ANKRD26: variants seen among roughly 807,000 people sequenced by gnomAD.
ANKRD26 encodes ankyrin repeat domain-containing protein 26.
A neutral mutation model predicts 208.7 loss-of-function variants in ANKRD26; 141 were observed. That is an observed-to-expected ratio of 0.68 (90% CI 0.59 to 0.78). The LOEUF (loss-of-function observed/expected upper bound fraction) is 0.78. Among genes scored for constraint, ANKRD26 ranks in the 30% least tolerant of loss-of-function variants. The pLI is 0.00. For missense variants in ANKRD26, 1,889 were observed against 1,938.7 expected, an observed-to-expected ratio of 0.97 and a Z score of 0.48; for synonymous variants, 636 against 660.4, an observed-to-expected ratio of 0.96 and a Z score of 0.57.
Position 27,017,511 on chromosome 10 carries a change from TAG to T in ANKRD26, c.4495_4496del (p.Leu1499IlefsTer16). On this transcript the variant is annotated frameshift_variant, in exon 30 of 34. Coordinates refer to ENST00000376087, the MANE Select transcript of ANKRD26 (RefSeq NM_014915.3). LOFTEE classifies it high-confidence loss of function. The part of the protein sequence containing the change: ...EIAEKLKEVN[L>X]FLQAQAASQE... Reference sequence around the variant, plus strand: ...CTACACATAAGCTAACCTGTAAAAATAGATTGACTTCTTTTAATTTTTCTGCT... The same window carrying T: ...CTACACATAAGCTAACCTGTAAAAATATTGACTTCTTTTAATTTTTCTGCT... 1 of 1,613,406 alleles carries T rather than the reference TAG, an allele frequency of 6.2e-7. No individual in the cohort carries two copies. The highest frequency in any genetic ancestry group is 8.5e-7 in the Non-Finnish European group (1 of 1,179,770).
rs1218233361 is a variant in ANKRD26 at position 27,004,951 on chromosome 10, T to C, written c.*639A>G. ...CTTGTAGGAATGCCCACTAAAGTAA[T>C]CAGGGGTGATGACATAATGTCAGCA... On this transcript the variant is annotated 3_prime_UTR_variant, in exon 34 of 34. Coordinates refer to ENST00000376087, the MANE Select transcript of ANKRD26 (RefSeq NM_014915.3). 1 of 764,660 alleles carries C rather than the reference T, an allele frequency of 1.3e-6. No individual in the cohort carries two copies. The highest frequency in any genetic ancestry group is 1.6e-6 in the Non-Finnish European group (1 of 628,880). 47.4% of individuals were successfully genotyped at this position (764,660 alleles called of 1,614,324 possible). A position where few individuals can be genotyped will look rare whatever the true frequency, so the allele number is the denominator to read the frequency against.
chr10:27,003,384 T>C (rs1258480085), downstream of ANKRD26, among the ~76,000 whole-genome samples: 1 of 152,134 alleles, frequency 6.6e-6, no homozygotes, highest in Non-Finnish European at 1.5e-5. Flanking sequence ...ATAGAAGGGA[T>C]GAAGGAATAA....
At chr10:26,982,274 G>A (rs2052320050) in intron 4 of ANKRD26, among the ~76,000 whole-genome samples, 1 of 152,160 alleles carries the variant, frequency 6.6e-6, no homozygotes, top group Non-Finnish European at 1.5e-5. Flanking sequence ...CTGTGAGGGA[G>A]CTAAGTAGCC....
At chr10:27,025,886 C>G (rs538108146) in intron 27 of ANKRD26, among the ~76,000 whole-genome samples, 65 of 152,260 alleles carry the variant, frequency 4.3e-4, no homozygotes, top group African/African-American at 1.5e-3. Flanking sequence ...CACTCATAAA[C>G]CATTACTTGG....
intron 6 of ANKRD26, among the ~76,000 whole-genome samples, chr10:27,081,417 A>G (rs887866469): frequency 6.6e-6 from 1 of 152,208 alleles, no homozygotes; most frequent in South Asian, 2.1e-4. Flanking sequence ...CCTTTCTATT[A>G]TTAAAATATT....
chr10:27,071,649 C>A (rs2055503791), intron 9 of ANKRD26, among the ~76,000 whole-genome samples: 1 of 152,020 alleles, frequency 6.6e-6, no homozygotes, highest in African/African-American at 2.4e-5. Context: ...AGGACCTTAA[C>A]AGAAAAACTT....
At chr10:26,994,794 CCTT>C (rs2052553835) in intron 5 of ANKRD26, among the ~76,000 whole-genome samples, 1 of 152,118 alleles carries the variant, frequency 6.6e-6, no homozygotes, top group Admixed American at 6.6e-5. Context: ...TATCTTCTCT[CCTT>C]CTGTAGCATC....
At chr10:27,017,185 A>G (rs1309569469) in intron 30 of ANKRD26, among the ~76,000 whole-genome samples, 4 of 152,264 alleles carry the variant, frequency 2.6e-5, no homozygotes, top group Non-Finnish European at 5.9e-5. Flanking sequence ...AAAAGTGAGC[A>G]ATGTAATTTA....
chr10:27,077,490 C>A lies in ANKRD26; in HGVS notation c.925G>T (p.Asp309Tyr). The part of the protein sequence containing the change: ...VRTGNRTLFE[D>Y]RDSDSQDEVV... ...TCATCTTGACTATCGGAATCTCTAT[C>A]CTCAAACAAAGTTCTATTTCCTGTT... Residue 309 changes from aspartate to tyrosine, a missense_variant, in exon 9 of 34, where the codon GAT becomes TAT. Asp to Tyr is a radical substitution (Grantham distance 160). Around this residue, in one of 3 missense-constraint regions of ANKRD26, gnomAD observed 1,272 missense variants for 1,273.8 expected, o/e 1.00. Transcript: ENST00000376087. The A allele has an allele frequency of 6.2e-7, 1 of 1,613,922 alleles. No homozygotes were observed. Among genetic ancestry groups the A allele is most frequent in the East Asian group, 2.2e-5 (1 of 44,860 alleles).
intron 22 of ANKRD26, 104 bp downstream of exon 22, chr10:27,037,765 AAC>A (rs2054091517): frequency 3.2e-6 from 3 of 932,596 alleles, no homozygotes; most frequent in Non-Finnish European, 3.2e-6. Flanking sequence ...AGCTTGAGAT[AAC>A]AGTTTTGTTT....
At chr10:26,990,003 T>C (rs1276608697), downstream of ANKRD26, among the ~76,000 whole-genome samples, 2 of 152,164 alleles carry the variant, frequency 1.3e-5, no homozygotes, top group Non-Finnish European at 2.9e-5. Context: ...AAGTTGTTTG[T>C]TGGCCTCCTG....
chr10:26,999,918 G>A (rs535866582), downstream of ANKRD26, among the ~76,000 whole-genome samples: 36 of 151,468 alleles, frequency 2.4e-4, no homozygotes, highest in Non-Finnish European at 4.3e-4. Context: ...CTGAGAACTC[G>A]AATTGTAAGT....
chr10:27,069,730 TTAAA>T (rs2055409238), intron 9 of ANKRD26, among the ~76,000 whole-genome samples: 1 of 152,044 alleles, frequency 6.6e-6, no homozygotes, highest in Admixed American at 6.5e-5. Flanking sequence ...ACTGGTAGAA[TTAAA>T]TAATATGAAC....
At chr10:27,092,169 C>A (rs993967752) in intron 4 of ANKRD26, among the ~76,000 whole-genome samples, 82 of 152,060 alleles carry the variant, frequency 5.4e-4, no homozygotes, top group African/African-American at 2.0e-3. Flanking sequence ...ATTGCCCAAT[C>A]CAAGCAACTG....
At chr10:26,989,816 T>C (rs927495906), downstream of ANKRD26, among the ~76,000 whole-genome samples, 2 of 151,924 alleles carry the variant, frequency 1.3e-5, no homozygotes, top group Non-Finnish European at 2.9e-5. Context: ...GAGGGGAAGA[T>C]GGTAGCCTGG....
Position 27,086,626 on chromosome 10 carries a change from G to T in ANKRD26, c.639-17C>A. ...TGGTGACTGCTATGTATAGAAAAAT[G>T]TAACAAAATTATGTTAATACTGATA... On this transcript the variant is annotated splice_polypyrimidine_tract_variant and intron_variant, in intron 4 of 33. Transcript: ENST00000376087. 2 of 1,594,752 alleles carry T rather than the reference G, an allele frequency of 1.3e-6. No homozygotes were observed. The highest frequency in any genetic ancestry group is 2.3e-5 in the East Asian group (1 of 44,392).
the ANKRD26 span, among the ~76,000 whole-genome samples, chr10:26,966,173 A>C: frequency 6.6e-6 from 1 of 152,236 alleles, no homozygotes; most frequent in African/African-American, 2.4e-5. Flanking sequence ...CTATAAAGAC[A>C]CATGCACACG....
At chr10:27,024,586 TTTTA>T in intron 27 of ANKRD26, 27 bp from the exon 28 acceptor site, 2 of 1,289,280 alleles carry the variant, frequency 1.6e-6, no homozygotes, top group Middle Eastern at 1.9e-4. Context: ...TTTCAATTAC[TTTTA>T]AAACTCTGGA....
intron 18 of ANKRD26, among the ~76,000 whole-genome samples, chr10:27,045,087 G>A (rs2054392077): frequency 6.6e-6 from 1 of 152,070 alleles, no homozygotes; most frequent in African/African-American, 2.4e-5. Context: ...ATTCATCAAT[G>A]TTCATTCATT....
Sources: allele counts gnomAD v4.1 joint callset (sites outside exome capture counted in the v4.1 genomes callset), GRCh38; gene constraint gnomAD v4.1.1; regional missense constraint gnomAD v4.1.1; transcripts MANE v1.5; gene names NCBI Gene and HGNC (gene_info 2026-07-23, HGNC 2026-07-21).